Variants in MAD1L1 observed in about 807,000 individuals in gnomAD.
The protein encoded by MAD1L1 is mitotic arrest deficient 1 like 1.
Under a neutral mutation model 96.9 loss-of-function variants are expected in MAD1L1, and 95 were observed. The observed-to-expected ratio is 0.98, with a 90% confidence interval of 0.83 to 1.16. The LOEUF (loss-of-function observed/expected upper bound fraction) is 1.16, where lower values mean the gene tolerates loss of function less well. Ranked by LOEUF, MAD1L1 falls within the 50% of genes most tolerant of loss-of-function variation. The probability of loss-of-function intolerance (pLI) is 0.00; values close to 1 mark genes in which losing one functional copy is unlikely to be tolerated. For missense variants in MAD1L1, 1,007 were observed against 954.4 expected (o/e 1.06, Z -0.73); for synonymous variants, 473 against 396.6 (o/e 1.19, Z -2.29).
At chr7:2,228,105 C>A (rs550466608) in intron 3 of MAD1L1, among the ~76,000 whole-genome samples, 2 of 152,090 alleles carry the variant, frequency 1.3e-5, no homozygotes, top group African/African-American at 4.8e-5. Flanking sequence ...GCCATCACTC[C>A]GCTCACCACC....
chr7:2,013,700 C>T (rs576928286), intron 13 of MAD1L1, among the ~76,000 whole-genome samples: 4 of 152,380 alleles, frequency 2.6e-5, no homozygotes, highest in Admixed American at 6.5e-5. Flanking sequence ...ACTGTGCCCA[C>T]GGAGAAGTGG....
intron 11 of MAD1L1, among the ~76,000 whole-genome samples, chr7:2,120,471 A>G (rs1787922327): frequency 1.3e-5 from 2 of 152,220 alleles, no homozygotes; most frequent in Admixed American, 1.3e-4. Context: ...TGCAATCTGC[A>G]CGGCTTCCAG....
intron 17 of MAD1L1, among the ~76,000 whole-genome samples, chr7:1,916,599 G>A (rs961961217): frequency 6.6e-6 from 1 of 152,304 alleles, no homozygotes; most frequent in East Asian, 1.9e-4. Flanking sequence ...TTAGCCCCTC[G>A]GACTACGCAT....
intron 18 of MAD1L1, among the ~76,000 whole-genome samples, chr7:1,821,067 C>G (rs573040548): frequency 3.5e-4 from 39 of 111,674 alleles, no homozygotes; most frequent in Admixed American, 1.3e-3. Flanking sequence ...AGCAACACAG[C>G]GAGACTCCAT....
chr7:2,121,248 C>T (rs1025942220), intron 11 of MAD1L1, among the ~76,000 whole-genome samples: 5 of 152,358 alleles, frequency 3.3e-5, no homozygotes, highest in Non-Finnish European at 5.9e-5. Context: ...CTGGGTGCTG[C>T]CAAGAGGACA....
At chr7:1,983,240 C>G (rs1171285603) in intron 14 of MAD1L1, among the ~76,000 whole-genome samples, 1 of 152,044 alleles carries the variant, frequency 6.6e-6, no homozygotes, top group African/African-American at 2.4e-5. Flanking sequence ...TTCCAGAATG[C>G]CTTCCCCTCC....
intron 11 of MAD1L1, among the ~76,000 whole-genome samples, chr7:2,093,072 CAA>C (rs200308243): frequency 7.1e-6 from 1 of 141,290 alleles, no homozygotes; most frequent in East Asian, 2.0e-4. Context: ...CCCGTCTCTA[CAA>C]AAAAAAAAAT....
intron 18 of MAD1L1, among the ~76,000 whole-genome samples, chr7:1,835,555 A>G (rs1477276457): frequency 6.6e-6 from 1 of 152,258 alleles, no homozygotes; most frequent in Non-Finnish European, 1.5e-5. Flanking sequence ...TTTTATAATA[A>G]TATCAAAATC....
At chr7:1,979,980 C>T (rs1025500412) in intron 15 of MAD1L1, among the ~76,000 whole-genome samples, 1 of 152,196 alleles carries the variant, frequency 6.6e-6, no homozygotes, top group Admixed American at 6.5e-5. Flanking sequence ...AGACGAGTGT[C>T]CCTGCAGAGA....
At chr7:2,040,683 G>C (rs1416329195) in intron 12 of MAD1L1, among the ~76,000 whole-genome samples, 2 of 152,192 alleles carry the variant, frequency 1.3e-5, no homozygotes, top group Non-Finnish European at 2.9e-5. Context: ...TCCAAGTCTG[G>C]GATGAAAGAG....
At position 1,948,099 on chromosome 7, in the gene MAD1L1, G is replaced by A. The variant is rs569332831; in HGVS notation, c.1596+9530C>T. On this transcript the variant is annotated intron_variant, in intron 16 of 18. Transcript: ENST00000265854. ...TGCAGAGCTGAGTGCTCCACCATGG[G>A]GAGTGAGTGTCCCGGGCCTCATCTG... Among the ~76,000 whole-genome samples the A allele has an allele frequency of 6.6e-5, 10 of 152,282 alleles. No individual in the cohort carries two copies. In the South Asian group the frequency reaches 1.7e-3, roughly 25 times the overall value.
chr7:1,817,247 G>A (rs1011319715), intron 18 of MAD1L1, among the ~76,000 whole-genome samples: 2 of 152,112 alleles, frequency 1.3e-5, no homozygotes, highest in African/African-American at 4.8e-5. Flanking sequence ...AGCGTGTGTG[G>A]TGCGGCCACT....
chr7:2,129,588 A>C (rs766725980), intron 11 of MAD1L1, among the ~76,000 whole-genome samples: 3 of 152,182 alleles, frequency 2.0e-5, no homozygotes, highest in Non-Finnish European at 4.4e-5. Context: ...ATGAGGAGAG[A>C]GCACACACAC....
At chr7:2,030,715 T>G (rs1783188238) in intron 12 of MAD1L1, among the ~76,000 whole-genome samples, 1 of 152,262 alleles carries the variant, frequency 6.6e-6, no homozygotes, top group Non-Finnish European at 1.5e-5. Context: ...AAGGGTTCTC[T>G]GTAATGGGCA....
Position 1,974,907 on chromosome 7 carries a change from G to A in MAD1L1, c.1505+5546C>T, listed in dbSNP as rs529848841. On this transcript the variant is annotated intron_variant, in intron 15 of 18. Coordinates refer to ENST00000265854, the MANE Select transcript of MAD1L1 (RefSeq NM_001013836.2). ...CTTTCGGAGAGAAAGAAGCAGGTCC[G>A]GGGTACAGGACCCAGGCAGGCAGGG... Among the ~76,000 whole-genome samples the A allele has an allele frequency of 5.9e-5, 9 of 152,354 alleles. No homozygotes were observed. In the South Asian group the frequency reaches 6.2e-4, roughly 11 times the overall value.
chr7:2,160,168 C>T (rs1216849110), intron 10 of MAD1L1, among the ~76,000 whole-genome samples: 2 of 151,090 alleles, frequency 1.3e-5, no homozygotes, highest in Admixed American at 6.6e-5. Context: ...GAGGCAGAGG[C>T]TACAGTGAGC....
chr7:2,115,831 G>C (rs890298007), intron 11 of MAD1L1, among the ~76,000 whole-genome samples: 1 of 152,282 alleles, frequency 6.6e-6, no homozygotes, highest in East Asian at 1.9e-4. Context: ...GCCATCAGGA[G>C]GGGAACGGTG....
intron 12 of MAD1L1, among the ~76,000 whole-genome samples, chr7:2,030,287 A>G (rs991519578): frequency 6.6e-6 from 1 of 152,224 alleles, no homozygotes; most frequent in Non-Finnish European, 1.5e-5. Flanking sequence ...CAAAGTTTTC[A>G]GAGTCATCCA....
chr7:2,160,538 TTAGCC>T (rs71023380), intron 10 of MAD1L1, among the ~76,000 whole-genome samples: 32,809 of 151,836 alleles, frequency 0.22, 3,711 homozygotes, highest in Middle Eastern at 0.35. Context: ...TTTCACTGTG[TTAGCC>T]AGGATGGTCT....
Sources: gnomAD v4.1 joint callset for allele counts (sites outside exome capture counted in the v4.1 genomes callset) on GRCh38, gnomAD v4.1.1 for gene constraint, MANE v1.5 for transcripts, NCBI Gene and HGNC (gene_info 2026-07-23, HGNC 2026-07-21) for gene names.